The following MMP2 variants were observed in gnomAD, a reference collection of about 807,000 sequenced individuals.
MMP2 encodes matrix metallopeptidase 2, also known as 72 kDa type IV collagenase.
Under a neutral mutation model 74.8 loss-of-function variants are expected in MMP2, and 39 were observed. The observed-to-expected ratio is 0.52, with a 90% confidence interval of 0.40 to 0.68. The LOEUF is 0.68. Ranked by LOEUF, MMP2 falls within the 30% of genes least tolerant of loss-of-function variation. The probability of loss-of-function intolerance (pLI) is 0.00; values close to 1 mark genes in which losing one functional copy is unlikely to be tolerated. For missense variants in MMP2, 803 were observed against 878.3 expected, an observed-to-expected ratio of 0.91 and a Z score of 1.08; for synonymous variants, 367 against 339.8, an observed-to-expected ratio of 1.08 and a Z score of -0.88.
rs1962039792 is a variant in MMP2 at position 55,479,479 on chromosome 16, G to T, written c.-1G>T. 12 of 1,565,954 alleles carry T rather than the reference G, an allele frequency of 7.7e-6. No individual in the cohort carries two copies. The highest frequency in any genetic ancestry group is 9.5e-6 in the Non-Finnish European group (11 of 1,156,036). The stretch of plus-strand genomic sequence containing the variant: ...GACGCGCGGGGCCAGGGAGCGCTAC[G>T]ATGGAGGCGCTAATGGCCCGGGGCG... On this transcript the variant is annotated 5_prime_UTR_variant, in exon 1 of 13. Coordinates refer to ENST00000219070, the MANE Select transcript of MMP2 (RefSeq NM_004530.6).
intron 8 of MMP2, 44 bp downstream of exon 8, chr16:55,492,000 G>T (rs780793785): frequency 1.5e-6 from 2 of 1,377,048 alleles, no homozygotes; most frequent in South Asian, 1.2e-5. Flanking sequence ...TGAGGAGGGG[G>T]GAGGTCATGT....
Position 55,489,706 on chromosome 16 carries a change from T to C in MMP2, c.1062T>C (p.Thr354=). The C allele has an allele frequency of 1.2e-6, 2 of 1,614,080 alleles. No homozygotes were observed. Among genetic ancestry groups the C allele is most frequent in the Non-Finnish European group, 1.7e-6 (2 of 1,180,008 alleles). Residue 354 remains threonine (T), a synonymous_variant, in exon 7 of 13, where the codon ACT becomes ACC. Transcript: ENST00000219070. ...GTGCCCCCTGTGTCTTCCCCTTCAC[T>C]TTCCTGGGCAACAAATATGAGAGCT... ...SEGAPCVFPF[T]FLGNKYESCT... is the part of the protein sequence containing the mutation.
At position 55,505,718 on chromosome 16, in the gene MMP2, C is replaced by T. The variant is rs1015600178; in HGVS notation, c.*276C>T. 5.5e-5 allele frequency: 28 copies of T among 505,666 alleles called. No individual in the cohort carries two copies. Among genetic ancestry groups the T allele is most frequent in the Non-Finnish European group, 8.3e-5 (23 of 277,286 alleles). 31.3% of individuals were successfully genotyped at this position (505,666 alleles called of 1,614,324 possible). ...TAAAGAGATACTTTGATATTTTCAA[C>T]GCAGCCCTGCTTTGGGCTGCCCTGG... On this transcript the variant is annotated 3_prime_UTR_variant, in exon 13 of 13. Coordinates refer to ENST00000219070, the MANE Select transcript of MMP2 (RefSeq NM_004530.6).
At chr16:55,493,854 C>A (rs1245284067) in intron 9 of MMP2, among the ~76,000 whole-genome samples, 1 of 152,202 alleles carries the variant, frequency 6.6e-6, no homozygotes, top group Non-Finnish European at 1.5e-5. Flanking sequence ...CCAAATTACT[C>A]TGTGTATGGG....
rs537292978 is a variant in MMP2, at chr16:55,504,159, A to G, written c.1880-1180A>G. On this transcript the variant is annotated intron_variant, in intron 12 of 12. Coordinates refer to ENST00000219070, the MANE Select transcript of MMP2 (RefSeq NM_004530.6). Reference sequence around the variant, plus strand: ...GGTGACAGAGTGAGACCTGGTCTCAAAAAAAAAGAATGGGGCCTGGTGTTG... The same window carrying G: ...GGTGACAGAGTGAGACCTGGTCTCAGAAAAAAAGAATGGGGCCTGGTGTTG... 4.1e-5 allele frequency among the ~76,000 whole-genome samples: 6 copies of G among 147,970 alleles called. No individual in the cohort carries two copies. In the South Asian group the frequency reaches 1.3e-3, roughly 31 times the overall value.
At position 55,479,567 on chromosome 16, in the gene MMP2, G is replaced by A. The variant is rs998400659; in HGVS notation, c.88G>A (p.Ala30Thr). ...LGCLLSHAAAAPSPIIKFPGD... is the reference protein window; with the variant it reads ...LGCLLSHAAATPSPIIKFPGD... ...CTGCCTGCTGAGCCACGCCGCCGCCGCGCCGTCGCCCATCATCAAGTTCCC... is the reference window on the plus strand; with the variant it reads ...CTGCCTGCTGAGCCACGCCGCCGCCACGCCGTCGCCCATCATCAAGTTCCC... The change falls in exon 1 of 13, where the codon GCG becomes ACG. Residue 30 changes from alanine to threonine, a missense_variant. Ala to Thr is a moderately conservative substitution (Grantham distance 58, BLOSUM62 0). Coordinates refer to ENST00000219070, the MANE Select transcript of MMP2 (RefSeq NM_004530.6). The A allele has an allele frequency of 5.6e-6, 9 of 1,613,176 alleles. No individual in the cohort carries two copies. Among genetic ancestry groups the A allele is most frequent in the Non-Finnish European group, 7.6e-6 (9 of 1,179,956 alleles).
chr16:55,483,615 C>G (rs1399020659), intron 2 of MMP2, among the ~76,000 whole-genome samples: 1 of 152,206 alleles, frequency 6.6e-6, no homozygotes, highest in Non-Finnish European at 1.5e-5. Context: ...GAGCTGTGCT[C>G]TGTATGGGTG....
Position 55,505,576 on chromosome 16 carries a change from C to T in MMP2, c.*134C>T, listed in dbSNP as rs1962780553. 2 of 753,442 alleles carry T rather than the reference C, an allele frequency of 2.7e-6. No individual in the cohort carries two copies. The highest frequency in any genetic ancestry group is 5.2e-5 in the East Asian group (2 of 38,612). 46.7% of individuals were successfully genotyped at this position (753,442 alleles called of 1,614,324 possible). ...CAGCTAATCAGCATTCTCACTCCTA[C>T]CTGGTAATTTAAGATTCCAGAGAGT... On this transcript the variant is annotated 3_prime_UTR_variant, in exon 13 of 13. Transcript: ENST00000219070.
intron 1 of MMP2, among the ~76,000 whole-genome samples, chr16:55,480,819 C>T (rs1447492877): frequency 6.6e-6 from 1 of 152,214 alleles, no homozygotes. Flanking sequence ...AGCTAGGTCT[C>T]AGCCCCCTCT....
intron 1 of MMP2, among the ~76,000 whole-genome samples, chr16:55,482,029 C>T (rs1962118413): frequency 6.6e-6 from 1 of 152,200 alleles, no homozygotes; most frequent in Non-Finnish European, 1.5e-5. Context: ...CAGTACTTAT[C>T]ACATACTTCA....
At chr16:55,479,910 T>G (rs1325328727) in intron 1 of MMP2, 6 of 355,696 alleles carry the variant, frequency 1.7e-5, no homozygotes, top group East Asian at 6.6e-5. Flanking sequence ...AGGGGTGACC[T>G]GGCAAACTAC....
Position 55,484,141 on chromosome 16 carries a change from T to A in MMP2, c.506T>A (p.Ile169Asn). ...CGAATCCATGATGGAGAGGCAGACA[T>A]CATGATCAACTTTGGCCGCTGGGGT... ...FSRIHDGEAD[I>N]MINFGRWEHG... The change falls in exon 3 of 13, where the codon ATC becomes AAC. Residue 169 changes from isoleucine to asparagine, a missense_variant. By Grantham distance (149) the Ile-to-Asn change is moderately radical. Transcript: ENST00000219070. The A allele has an allele frequency of 6.2e-7, 1 of 1,614,082 alleles. No individual in the cohort carries two copies. The highest frequency in any genetic ancestry group is 8.5e-7 in the Non-Finnish European group (1 of 1,180,030).
chr16:55,499,444 C>A (rs1172394177), intron 11 of MMP2, among the ~76,000 whole-genome samples: 1 of 152,160 alleles, frequency 6.6e-6, no homozygotes, highest in Admixed American at 6.5e-5. Context: ...ATGGAAGGAG[C>A]AGGTGCCCTG....
chr16:55,502,380 AG>A (rs1962688593), intron 11 of MMP2, among the ~76,000 whole-genome samples: 1 of 152,224 alleles, frequency 6.6e-6, no homozygotes, highest in African/African-American at 2.4e-5. Context: ...ACATGGGGAT[AG>A]AGGCTCTGCA....
intron 3 of MMP2, 134 bp downstream of exon 3, chr16:55,484,298 G>T: frequency 9.1e-7 from 1 of 1,097,850 alleles, no homozygotes; most frequent in East Asian, 2.6e-5. Context: ...GGCCCTGGGG[G>T]TGGTTTAGAT....
intron 10 of MMP2, 147 bp from the exon 11 acceptor site, chr16:55,498,142 T>G (rs1004708120): frequency 9.8e-7 from 1 of 1,023,860 alleles, no homozygotes. Context: ...GAGCCCTGAT[T>G]CTGGGCACTG....
At chr16:55,483,186 G>A in intron 2 of MMP2, 51 bp downstream of exon 2, 1 of 1,472,098 alleles carries the variant, frequency 6.8e-7, no homozygotes, top group Non-Finnish European at 9.4e-7. Context: ...AGGGACACGA[G>A]TCTCCTTGAC....
chr16:55,488,622 C>G lies in MMP2; in HGVS notation c.912C>G (p.Ser304Arg). 6.2e-7 allele frequency: 1 copy of G among 1,613,968 alleles called. No individual in the cohort carries two copies. Among genetic ancestry groups the G allele is most frequent in the Non-Finnish European group, 8.5e-7 (1 of 1,179,954 alleles). The change falls in exon 6 of 13, where the codon AGC becomes AGG. Residue 304 changes from serine (S) to arginine (R), a missense_variant. By Grantham distance (110) the Ser-to-Arg change is moderately radical (BLOSUM62 -1). Around this residue, in one of 3 missense-constraint regions of MMP2, gnomAD observed 555 missense variants for 592.0 expected, o/e 0.94. Transcript: ENST00000219070. ...PFRFQGTSYD[S>R]CTTEGRTDGY... ...GCTTCCAGGGCACATCCTATGACAGCTGCACCACTGAGGGCCGCACGGATG... is the reference window on the plus strand; with the variant it reads ...GCTTCCAGGGCACATCCTATGACAGGTGCACCACTGAGGGCCGCACGGATG...
At position 55,505,332 on chromosome 16, in the gene MMP2, A is replaced by T. The variant is rs760340067; in HGVS notation, c.1880-7A>T. ...GGGGGTCACGGTCTCTTCTTTCTCTATCCCAGGTCACAGCTACTTCTTCAA... is the reference window on the plus strand; with the variant it reads ...GGGGGTCACGGTCTCTTCTTTCTCTTTCCCAGGTCACAGCTACTTCTTCAA... On this transcript the variant is annotated splice_polypyrimidine_tract_variant and splice_region_variant and intron_variant, in intron 12 of 12. Coordinates refer to ENST00000219070, the MANE Select transcript of MMP2 (RefSeq NM_004530.6). The T allele has an allele frequency of 6.8e-6, 11 of 1,612,034 alleles. No individual in the cohort carries two copies. The highest frequency in any genetic ancestry group is 8.5e-6 in the Non-Finnish European group (10 of 1,178,318).
Sources: gnomAD v4.1 joint callset for allele counts (sites outside exome capture counted in the v4.1 genomes callset) on GRCh38, gnomAD v4.1.1 for gene constraint, gnomAD v4.1.1 regional missense constraint, MANE v1.5 for transcripts, NCBI Gene and HGNC (gene_info 2026-07-23, HGNC 2026-07-21) for gene names.